Variants in GLI2 observed in about 807,000 individuals in gnomAD.
GLI2 encodes transcription activator GLI2.
Under a neutral mutation model 78.9 loss-of-function variants are expected in GLI2, and 22 were observed. The ratio of observed to expected loss-of-function variants is 0.28; its 90% CI spans 0.20 to 0.40. GLI2 has a LOEUF of 0.40. Among genes scored for constraint, GLI2 ranks in the 10% least tolerant of loss-of-function variants. The pLI is 1.00. For synonymous variants in GLI2, 974 were observed against 963.7 expected, an observed-to-expected ratio of 1.01 and a Z score of -0.20; for missense variants, 2,097 against 2,213.2, an observed-to-expected ratio of 0.95 and a Z score of 1.05.
intron 2 of GLI2, among the ~76,000 whole-genome samples, chr2:120,889,647 A>G (rs1350204647): frequency 6.6e-6 from 1 of 152,222 alleles, no homozygotes; most frequent in African/African-American, 2.4e-5. Context: ...AAGAAACAAT[A>G]TAATTAGAAA....
At chr2:120,947,855 G>A (rs1049407183) in intron 3 of GLI2, among the ~76,000 whole-genome samples, 1 of 152,174 alleles carries the variant, frequency 6.6e-6, no homozygotes, top group Non-Finnish European at 1.5e-5. Context: ...ATCTGCCTCC[G>A]GGGGATGGCT....
chr2:120,986,443 G>A lies in GLI2; in HGVS notation c.2071G>A (p.Ala691Thr). ...DDTPPGADTS[A>T]LAAPSAGGLQ... ...CACACCCCCAGGGGCCGACACCTCA[G>A]CCCTGGCTGCCCCCTCCGCTGGTGG... The change falls in exon 13 of 14, where the codon GCC (alanine) becomes ACC (threonine). Residue 691 changes from alanine (A) to threonine (T), a missense_variant. Physicochemically the swap from Ala to Thr is moderately conservative, Grantham distance 58. Coordinates refer to ENST00000361492, the MANE Select transcript of GLI2 (RefSeq NM_001374353.1). The A allele has an allele frequency of 6.2e-7, 1 of 1,613,940 alleles. No homozygotes were observed. Among genetic ancestry groups the A allele is most frequent in the Non-Finnish European group, 8.5e-7 (1 of 1,180,018 alleles).
Position 120,988,393 on chromosome 2 carries a change from T to C in GLI2, c.2428T>C (p.Ser810Pro), listed in dbSNP as rs779823281. 3.2e-6 allele frequency: 5 copies of C among 1,568,786 alleles called. No individual in the cohort carries two copies. The East Asian group carries it at 9.4e-5, about 30-fold the overall frequency. ...YTVSRRSSGI[S>P]PYFSSRRSSE... is the part of the protein sequence containing the mutation. ...CGTGAGCCGCCGCTCCTCCGGCATC[T>C]CCCCCTACTTCTCCAGCCGCCGCTC... is the stretch of plus-strand genomic sequence containing the variant. The change falls in exon 14 of 14, where the codon TCC (serine) becomes CCC (proline). Residue 810 changes from serine to proline, a missense_variant. Physicochemically the swap from Ser to Pro is moderately conservative, Grantham distance 74. This residue lies in a region of GLI2 where 1,290 missense variants were observed against 1,261.7 expected (regional missense o/e 1.02). Coordinates refer to ENST00000361492, the MANE Select transcript of GLI2 (RefSeq NM_001374353.1).
chr2:120,921,336 T>C (rs1187845744), intron 2 of GLI2, among the ~76,000 whole-genome samples: 4 of 151,934 alleles, frequency 2.6e-5, no homozygotes, highest in Non-Finnish European at 5.9e-5. Context: ...GGGGCTGGTG[T>C]GTCAAGTGGG....
At chr2:120,777,560 C>T (rs1558791101) in intron 1 of GLI2, among the ~76,000 whole-genome samples, 2 of 148,994 alleles carry the variant, frequency 1.3e-5, no homozygotes, top group South Asian at 2.1e-4. Flanking sequence ...TGGAGGAAAG[C>T]TTTGGGGGGT....
rs1013217060 is a variant in GLI2 at position 120,759,211 on chromosome 2, C to T, written c.-31+22926C>T. On this transcript the variant is annotated intron_variant, in intron 1 of 13. Transcript: ENST00000361492. Reference sequence around the variant, plus strand: ...GTGTGGGGGTTTTTCTCCATACCCACGGCAAGCAAGCACTTCTGCCGTGAA... The same window carrying T: ...GTGTGGGGGTTTTTCTCCATACCCATGGCAAGCAAGCACTTCTGCCGTGAA... Among the ~76,000 whole-genome samples, 5 of 152,182 alleles carry T rather than the reference C, an allele frequency of 3.3e-5. No individual in the cohort carries two copies. The South Asian group carries it at 1.0e-3, about 32-fold the overall frequency.
chr2:120,966,088 C>T (rs1472224992), intron 5 of GLI2, among the ~76,000 whole-genome samples: 6 of 152,180 alleles, frequency 3.9e-5, no homozygotes, highest in African/African-American at 1.4e-4. Flanking sequence ...TTCTGATTAA[C>T]TCCACTTTTT....
intron 3 of GLI2, 78 bp downstream of exon 3, chr2:120,927,544 C>T (rs1417914697): frequency 1.1e-6 from 1 of 889,818 alleles, no homozygotes; most frequent in African/African-American, 1.6e-5. Context: ...GCCTCAGCCA[C>T]ATCTCCTGCC....
intron 3 of GLI2, among the ~76,000 whole-genome samples, chr2:120,950,972 C>T (rs928100059): frequency 1.3e-5 from 2 of 152,232 alleles, no homozygotes; most frequent in African/African-American, 2.4e-5. Context: ...CAAGTCCAGT[C>T]GCGGGTGCGA....
chr2:120,763,266 C>G (rs1309227048), intron 1 of GLI2, among the ~76,000 whole-genome samples: 1 of 152,130 alleles, frequency 6.6e-6, no homozygotes, highest in Non-Finnish European at 1.5e-5. Context: ...TTTTCTTGAC[C>G]TAAAGGAGCC....
At chr2:120,802,680 A>G (rs1684757919) in intron 2 of GLI2, among the ~76,000 whole-genome samples, 2 of 152,160 alleles carry the variant, frequency 1.3e-5, no homozygotes, top group African/African-American at 2.4e-5. Flanking sequence ...CTGGGATAAT[A>G]TGAAAGGTGG....
chr2:120,833,938 C>T (rs1201506688), intron 2 of GLI2, among the ~76,000 whole-genome samples: 1 of 152,162 alleles, frequency 6.6e-6, no homozygotes, highest in Non-Finnish European at 1.5e-5. Context: ...GTGGGTCTGT[C>T]ATTGGCTTGT....
At chr2:120,976,209 C>T (rs190295852) in intron 9 of GLI2, among the ~76,000 whole-genome samples, 79 of 152,320 alleles carry the variant, frequency 5.2e-4, no homozygotes, top group African/African-American at 1.9e-3. Flanking sequence ...CACACATGCA[C>T]GCGTCTCCGA....
chr2:120,903,760 A>C (rs1261938210), intron 2 of GLI2, among the ~76,000 whole-genome samples: 2 of 152,186 alleles, frequency 1.3e-5, no homozygotes, highest in African/African-American at 4.8e-5. Context: ...AGTGACAAGC[A>C]GCCTTCCCAA....
intron 1 of GLI2, chr2:120,792,340 CTG>C (rs1321361173): frequency 6.6e-6 from 1 of 152,234 alleles, no homozygotes. Context: ...AGACACAGGA[CTG>C]TGAAAGAAAG....
Position 120,990,038 on chromosome 2 carries a change from T to C in GLI2, c.4073T>C (p.Leu1358Pro), listed in dbSNP as rs371219507. Residue 1358 changes from leucine (L) to proline (P), a missense_variant, in exon 14 of 14, where the codon CTC becomes CCC. By Grantham distance (98) the Leu-to-Pro change is moderately conservative. Coordinates refer to ENST00000361492, the MANE Select transcript of GLI2 (RefSeq NM_001374353.1). ...GFGLVQPRPP[L>P]EPSPTGRHRG... ...GGCCTAGTGCAGCCCCGGCCTCCCCTCGAGCCCAGCCCCACTGGCCGCCAC... is the reference window on the plus strand; with the variant it reads ...GGCCTAGTGCAGCCCCGGCCTCCCCCCGAGCCCAGCCCCACTGGCCGCCAC... 1.4e-4 allele frequency: 224 copies of C among 1,604,338 alleles called. No individual in the cohort carries two copies. In the African/African-American group the frequency reaches 2.5e-3, roughly 18 times the overall value.
chr2:120,907,648 G>A (rs950238153), intron 2 of GLI2, among the ~76,000 whole-genome samples: 2 of 152,162 alleles, frequency 1.3e-5, no homozygotes, highest in South Asian at 2.1e-4. Flanking sequence ...CTGGAGAATC[G>A]CAGACGAGGG....
At chr2:120,750,660 C>A (rs1016821325) in intron 1 of GLI2, among the ~76,000 whole-genome samples, 1 of 152,226 alleles carries the variant, frequency 6.6e-6, no homozygotes, top group Non-Finnish European at 1.5e-5. Context: ...TTTGGGCTCT[C>A]GTTAGGCAAA....
At chr2:120,906,693 C>T (rs1202963867) in intron 2 of GLI2, among the ~76,000 whole-genome samples, 1 of 152,102 alleles carries the variant, frequency 6.6e-6, no homozygotes, top group Non-Finnish European at 1.5e-5. Flanking sequence ...TGTTCCACAG[C>T]ATCTCAAACT....
Sources: allele counts gnomAD v4.1 joint callset (sites outside exome capture counted in the v4.1 genomes callset), GRCh38; gene constraint gnomAD v4.1.1; regional missense constraint gnomAD v4.1.1; transcripts MANE v1.5; gene names NCBI Gene and HGNC (gene_info 2026-07-23, HGNC 2026-07-21).